SGMS1: variants seen among roughly 807,000 people sequenced by gnomAD.
SGMS1 encodes the protein phosphatidylcholine:ceramide cholinephosphotransferase 1.
SGMS1 carries 13 observed loss-of-function variants against 46.2 expected under a neutral mutation model. That is an observed-to-expected ratio of 0.28 (90% CI 0.18 to 0.45). The LOEUF (loss-of-function observed/expected upper bound fraction) is 0.45, where lower values mean the gene tolerates loss of function less well. Among genes scored for constraint, SGMS1 ranks in the 20% least tolerant of loss-of-function variants. SGMS1 has a pLI of 1.00. For synonymous variants in SGMS1, 203 were observed against 187.8 expected, an observed-to-expected ratio of 1.08 and a Z score of -0.66; for missense variants, 324 against 519.9, an observed-to-expected ratio of 0.62 and a Z score of 3.66.
At chr10:50,440,097 C>T (rs1413449976) in intron 5 of SGMS1, among the ~76,000 whole-genome samples, 1 of 152,124 alleles carries the variant, frequency 6.6e-6, no homozygotes, top group African/African-American at 2.4e-5. Context: ...ATGCAGACCA[C>T]AGCTCTCTTT....
intron 1 of SGMS1, among the ~76,000 whole-genome samples, chr10:50,611,043 G>A (rs778465002): frequency 6.6e-6 from 1 of 152,224 alleles, no homozygotes. Context: ...TCTGGGATAA[G>A]ATCAGGTAGA....
chr10:50,365,786 T>C (rs1848331676), intron 6 of SGMS1, among the ~76,000 whole-genome samples: 1 of 152,242 alleles, frequency 6.6e-6, no homozygotes, highest in South Asian at 2.1e-4. Flanking sequence ...GGCTGCATAG[T>C]ATTCCATGGT....
rs1474482021 is a variant in SGMS1 at position 50,472,061 on chromosome 10, TATTC to T, written c.-497-5133_-497-5130del. Among the ~76,000 whole-genome samples the T allele has an allele frequency of 4.6e-5, 7 of 152,266 alleles. No individual in the cohort carries two copies. In the East Asian group the frequency reaches 7.7e-4, roughly 17 times the overall value. ...CAAGACCACCTTTACTTTCTATATT[TATTC>T]ATTATTTTCTTTTTTAATTTTCTTT... On this transcript the variant is annotated intron_variant, in intron 3 of 10. Coordinates refer to ENST00000361781, the MANE Select transcript of SGMS1 (RefSeq NM_147156.4).
chr10:50,476,603 T>A (rs1837430220), intron 3 of SGMS1, among the ~76,000 whole-genome samples: 1 of 152,158 alleles, frequency 6.6e-6, no homozygotes, highest in South Asian at 2.1e-4. Flanking sequence ...TTCAGAGACC[T>A]TTGTGGCAGT....
At chr10:50,555,271 C>G (rs1488357782) in intron 2 of SGMS1, among the ~76,000 whole-genome samples, 3 of 152,224 alleles carry the variant, frequency 2.0e-5, no homozygotes, top group Admixed American at 6.5e-5. Context: ...TAGAATCACT[C>G]TAAATTCATC....
At chr10:50,616,204 C>T (rs887647185) in intron 1 of SGMS1, among the ~76,000 whole-genome samples, 4 of 152,182 alleles carry the variant, frequency 2.6e-5, no homozygotes, top group African/African-American at 7.2e-5. Context: ...CAGGCTCAAC[C>T]TCCAGGCTCG....
At chr10:50,620,183 A>G (rs939411269) in intron 1 of SGMS1, among the ~76,000 whole-genome samples, 1 of 152,200 alleles carries the variant, frequency 6.6e-6, no homozygotes, top group African/African-American at 2.4e-5. Flanking sequence ...CTGACATCCA[A>G]TGCTGCCTCC....
At chr10:50,441,446 A>G (rs897809477) in intron 5 of SGMS1, among the ~76,000 whole-genome samples, 1 of 152,250 alleles carries the variant, frequency 6.6e-6, no homozygotes, top group Non-Finnish European at 1.5e-5. Context: ...CACTCTGCCA[A>G]ACTCTAACAC....
At chr10:50,391,391 C>A (rs891375074) in intron 6 of SGMS1, among the ~76,000 whole-genome samples, 1 of 152,126 alleles carries the variant, frequency 6.6e-6, no homozygotes, top group African/African-American at 2.4e-5. Context: ...AAAGAAGACA[C>A]ACATGCAGCC....
intron 6 of SGMS1, among the ~76,000 whole-genome samples, chr10:50,355,820 G>A (rs1848135598): frequency 6.6e-6 from 1 of 151,828 alleles, no homozygotes; most frequent in South Asian, 2.1e-4. Flanking sequence ...TCCCGTCTAG[G>A]ATGTGGGGAG....
chr10:50,395,571 T>C (rs762940747), intron 6 of SGMS1, among the ~76,000 whole-genome samples: 1 of 152,156 alleles, frequency 6.6e-6, no homozygotes, highest in African/African-American at 2.4e-5. Flanking sequence ...GAGTAATCAA[T>C]GAAACTGGAG....
At chr10:50,375,690 G>A (rs1177362048) in intron 6 of SGMS1, among the ~76,000 whole-genome samples, 3 of 152,310 alleles carry the variant, frequency 2.0e-5, no homozygotes, top group Non-Finnish European at 4.4e-5. Flanking sequence ...CCACACAGAC[G>A]TGAAAGATCG....
intron 2 of SGMS1, among the ~76,000 whole-genome samples, chr10:50,542,561 A>G (rs1464203867): frequency 6.6e-6 from 1 of 151,756 alleles, no homozygotes; most frequent in Non-Finnish European, 1.5e-5. Context: ...TCCAAATAAA[A>G]TGGTTAAAAA....
intron 6 of SGMS1, among the ~76,000 whole-genome samples, chr10:50,354,328 C>A (rs139893480): frequency 1.3e-5 from 2 of 152,086 alleles, no homozygotes; most frequent in African/African-American, 4.8e-5. Flanking sequence ...CTGACAAAAA[C>A]AAGAAATGGG....
chr10:50,441,918 A>T (rs1849551052), intron 5 of SGMS1, among the ~76,000 whole-genome samples: 1 of 152,194 alleles, frequency 6.6e-6, no homozygotes, highest in South Asian at 2.1e-4. Context: ...TACTACCCAC[A>T]ACTTGGTAAC....
chr10:50,615,344 A>T (rs1402063061), intron 1 of SGMS1, among the ~76,000 whole-genome samples: 1 of 152,240 alleles, frequency 6.6e-6, no homozygotes, highest in Non-Finnish European at 1.5e-5. Flanking sequence ...AAAAGTTGTC[A>T]TAATAACAGC....
chr10:50,490,905 C>G (rs567958548), intron 3 of SGMS1, among the ~76,000 whole-genome samples: 1 of 152,248 alleles, frequency 6.6e-6, no homozygotes, highest in South Asian at 2.1e-4. Context: ...TACACATGTT[C>G]CAAATCTCAA....
At chr10:50,328,415 C>G (rs779828044) in intron 7 of SGMS1, among the ~76,000 whole-genome samples, 3 of 152,182 alleles carry the variant, frequency 2.0e-5, no homozygotes, top group Non-Finnish European at 4.4e-5. Flanking sequence ...TATAATCATA[C>G]AGTGTAGCTC....
chr10:50,482,633 T>C (rs536985392), intron 3 of SGMS1, among the ~76,000 whole-genome samples: 20 of 152,234 alleles, frequency 1.3e-4, no homozygotes, highest in Admixed American at 4.6e-4. Context: ...AGCAACTACA[T>C]TAACAAGTCT....
Sources: allele counts gnomAD v4.1 joint callset (sites outside exome capture counted in the v4.1 genomes callset), GRCh38; gene constraint gnomAD v4.1.1; transcripts MANE v1.5; gene names NCBI Gene and HGNC (gene_info 2026-07-23, HGNC 2026-07-21).